Variants in LIFR observed in about 807,000 individuals in gnomAD.
The protein encoded by LIFR is LIF receptor subunit alpha.
Under a neutral mutation model 122.2 loss-of-function variants are expected in LIFR, and 84 were observed. That is an observed-to-expected ratio of 0.69 (90% CI 0.58 to 0.82). LIFR has a LOEUF of 0.82. Ranked by LOEUF, LIFR falls within the 40% of genes least tolerant of loss-of-function variation. The pLI, the probability that LIFR is intolerant of heterozygous loss-of-function variation, is 0.00. For missense variants in LIFR, 1,294 were observed against 1,311.6 expected (o/e 0.99, Z 0.21); for synonymous variants, 422 against 434.7 (o/e 0.97, Z 0.36).
intron 1 of LIFR, among the ~76,000 whole-genome samples, chr5:38,531,821 G>A (rs541793334): frequency 1.3e-5 from 2 of 152,036 alleles, no homozygotes; most frequent in Non-Finnish European, 2.9e-5. Flanking sequence ...ATCTCTTCTC[G>A]GCTACTGTCA....
At chr5:38,570,933 A>G (rs917206869) in intron 1 of LIFR, among the ~76,000 whole-genome samples, 30 of 152,200 alleles carry the variant, frequency 2.0e-4, no homozygotes, top group African/African-American at 6.5e-4. Flanking sequence ...ATAATTATTC[A>G]TTCGTTTGTG....
upstream of LIFR, among the ~76,000 whole-genome samples, chr5:38,599,668 A>G (rs1450346667): frequency 6.6e-6 from 1 of 152,178 alleles, no homozygotes; most frequent in Non-Finnish European, 1.5e-5. Flanking sequence ...TTATCTTCTC[A>G]ATTAGTTTAC....
intron 5 of LIFR, among the ~76,000 whole-genome samples, chr5:38,518,050 T>C (rs1405260816): frequency 6.6e-6 from 1 of 151,052 alleles, no homozygotes; most frequent in Non-Finnish European, 1.5e-5. Context: ...AGTTTGAGGC[T>C]GCAGTCAGCT....
intron 1 of LIFR, among the ~76,000 whole-genome samples, chr5:38,582,506 A>G (rs1749619259): frequency 6.6e-6 from 1 of 152,184 alleles, no homozygotes; most frequent in Non-Finnish European, 1.5e-5. Context: ...CTATTTATGC[A>G]AACAGCCTTG....
chr5:38,521,822 G>C (rs181311352), intron 5 of LIFR, among the ~76,000 whole-genome samples: 11 of 152,280 alleles, frequency 7.2e-5, no homozygotes, highest in Admixed American at 7.2e-4. Context: ...TGTGGTGGTA[G>C]CAGCAGGGTG....
At position 38,475,360 on chromosome 5, in the gene LIFR, A is replaced by G. The variant is rs748385075; in HGVS notation, c.*6235T>C. ...ACTTCATCTATAGTTTTCTTCCTGT[A>G]TAAGTGTATTGAAATGTTTCCTTAT... On this transcript the variant is annotated 3_prime_UTR_variant, in exon 20 of 20. Coordinates refer to ENST00000453190, the MANE Select transcript of LIFR (RefSeq NM_001127671.2). The G allele has an allele frequency of 1.0e-5, 2 of 196,656 alleles. No individual in the cohort carries two copies. Among genetic ancestry groups the G allele is most frequent in the African/African-American group, 4.6e-5 (2 of 43,496 alleles). 12.2% of individuals were successfully genotyped at this position (196,656 alleles called of 1,614,324 possible). A position where few individuals can be genotyped will look rare whatever the true frequency, so the allele number is the denominator to read the frequency against.
At chr5:38,511,359 G>A (rs570083681) in intron 6 of LIFR, among the ~76,000 whole-genome samples, 6 of 152,054 alleles carry the variant, frequency 3.9e-5, no homozygotes, top group Admixed American at 3.9e-4. Context: ...CTGTATATGA[G>A]TTTTACTTAA....
At chr5:38,484,450 A>G (rs1214240291) in intron 18 of LIFR, among the ~76,000 whole-genome samples, 1 of 152,240 alleles carries the variant, frequency 6.6e-6, no homozygotes, top group Non-Finnish European at 1.5e-5. Context: ...AGGGCAAGTG[A>G]GATCTTAATC....
rs111354091 is a variant in LIFR, at chr5:38,487,092, C to T, written c.2336-1112G>A. Among the ~76,000 whole-genome samples the T allele has an allele frequency of 2.8e-3, 434 of 152,312 alleles. 2 individuals carry two copies. The highest frequency in any genetic ancestry group is 9.8e-3 in the African/African-American group (407 of 41,560). ...CAGGTCCACATCTTCTCTGCCCTCC[C>T]CTCCACCCATCCCTTGCCTCCTGCA... On this transcript the variant is annotated intron_variant, in intron 16 of 19. Transcript: ENST00000453190.
chr5:38,517,463 A>G (rs1274115411), intron 5 of LIFR, among the ~76,000 whole-genome samples: 5 of 152,150 alleles, frequency 3.3e-5, no homozygotes, highest in African/African-American at 1.2e-4. Context: ...TACCTTTAAG[A>G]CAGCACCTGC....
intron 1 of LIFR, among the ~76,000 whole-genome samples, chr5:38,573,704 C>A (rs1278576799): frequency 6.6e-6 from 1 of 152,140 alleles, no homozygotes; most frequent in African/African-American, 2.4e-5. Flanking sequence ...AAATGAATGA[C>A]TGGATGAATA....
At chr5:38,591,926 A>G (rs1749933772) in intron 1 of LIFR, among the ~76,000 whole-genome samples, 1 of 152,220 alleles carries the variant, frequency 6.6e-6, no homozygotes, top group African/African-American at 2.4e-5. Flanking sequence ...GCTGTGAAGC[A>G]GAGAGCTGAG....
At chr5:38,513,061 G>C (rs1482282106) in intron 5 of LIFR, among the ~76,000 whole-genome samples, 3 of 151,996 alleles carry the variant, frequency 2.0e-5, no homozygotes, top group Non-Finnish European at 4.4e-5. Context: ...AGATAACTTG[G>C]GACTTCTAGG....
At chr5:38,537,666 TA>T (rs56153135) in intron 1 of LIFR, among the ~76,000 whole-genome samples, 1 of 150,108 alleles carries the variant, frequency 6.7e-6, no homozygotes, top group Non-Finnish European at 1.5e-5. Flanking sequence ...GGATTGTCTT[TA>T]AAAAAAAAAA....
At chr5:38,493,181 C>T (rs1456024011) in intron 14 of LIFR, among the ~76,000 whole-genome samples, 1 of 152,048 alleles carries the variant, frequency 6.6e-6, no homozygotes, top group Non-Finnish European at 1.5e-5. Flanking sequence ...AAGGCAAAGG[C>T]CCTTGTGTGA....
chr5:38,604,750 C>T (rs757636917), intron 2 of LIFR, among the ~76,000 whole-genome samples: 15 of 151,840 alleles, frequency 9.9e-5, no homozygotes, highest in Non-Finnish European at 1.9e-4. Flanking sequence ...AGATGAAGGA[C>T]ACCCCATGGC....
Position 38,479,515 on chromosome 5 carries a change from TGACA to T in LIFR, c.*2076_*2079del, listed in dbSNP as rs1486148378. 4.3e-6 allele frequency: 1 copy of T among 231,520 alleles called. No individual in the cohort carries two copies. Among genetic ancestry groups the T allele is most frequent in the South Asian group, 1.8e-4 (1 of 5,504 alleles). 14.3% of individuals were successfully genotyped at this position (231,520 alleles called of 1,614,324 possible). On this transcript the variant is annotated 3_prime_UTR_variant, in exon 20 of 20. Transcript: ENST00000453190. ...GGTCACAGTTGAAATGCATATATAT[TGACA>T]GACAGAGATCAAACAATCTCTTCTG...
At chr5:38,505,401 TACAC>T (rs58882043) in intron 9 of LIFR, among the ~76,000 whole-genome samples, 12,913 of 139,310 alleles carry the variant, frequency 0.093, 729 homozygotes, top group African/African-American at 0.14. Context: ...TGCATAGAAC[TACAC>T]ACACACACAC....
chr5:38,524,919 T>C (rs1391539892), intron 4 of LIFR, among the ~76,000 whole-genome samples: 1 of 152,196 alleles, frequency 6.6e-6, no homozygotes, highest in African/African-American at 2.4e-5. Flanking sequence ...AGTTGTTACC[T>C]GTGCCAAATA....
Sources: gnomAD v4.1 joint callset for allele counts (sites outside exome capture counted in the v4.1 genomes callset) on GRCh38, gnomAD v4.1.1 for gene constraint, MANE v1.5 for transcripts, NCBI Gene and HGNC (gene_info 2026-07-23, HGNC 2026-07-21) for gene names.